Variants in FHOD3 observed in about 807,000 individuals in gnomAD.
FHOD3 encodes formin homology 2 domain containing 3.
In FHOD3, 90 loss-of-function variants were observed where a neutral mutation model predicts 173.0. The ratio of observed to expected loss-of-function variants is 0.52; its 90% CI spans 0.44 to 0.62. The LOEUF is 0.62. Ranked by LOEUF, FHOD3 falls within the 20% of genes least tolerant of loss-of-function variation. The probability of loss-of-function intolerance (pLI) is 0.00; values close to 1 mark genes in which losing one functional copy is unlikely to be tolerated. For missense variants in FHOD3, 1,945 were observed against 2,034.7 expected (o/e 0.96, Z 0.85); for synonymous variants, 828 against 823.0 (o/e 1.01, Z -0.10).
At chr18:36,560,218 G>C (rs1385685070) in intron 5 of FHOD3, among the ~76,000 whole-genome samples, 2 of 152,200 alleles carry the variant, frequency 1.3e-5, no homozygotes, top group Non-Finnish European at 2.9e-5. Context: ...TCTGAGGGTA[G>C]TTAGTCTGGG....
intron 6 of FHOD3, among the ~76,000 whole-genome samples, chr18:36,581,522 C>T (rs551883321): frequency 6.6e-6 from 1 of 152,344 alleles, no homozygotes; most frequent in African/African-American, 2.4e-5. Context: ...AAGTTCCCAT[C>T]AGCCCCATTG....
At chr18:36,340,797 C>T (rs766992065) in intron 1 of FHOD3, among the ~76,000 whole-genome samples, 40 of 151,982 alleles carry the variant, frequency 2.6e-4, no homozygotes, top group African/African-American at 5.6e-4. Context: ...CCACCACGCC[C>T]GGCTAATTTT....
chr18:36,703,037 G>T (rs2039677882), intron 17 of FHOD3, among the ~76,000 whole-genome samples: 1 of 152,164 alleles, frequency 6.6e-6, no homozygotes, highest in African/African-American at 2.4e-5. Context: ...TCAGTGAAGG[G>T]ACTGTTTACA....
intron 26 of FHOD3, 57 bp downstream of exon 26, chr18:36,759,198 G>A (rs2042764739): frequency 6.7e-7 from 1 of 1,485,948 alleles, no homozygotes; most frequent in South Asian, 1.2e-5. Context: ...TGTATGCTCT[G>A]GTCTAACCTA....
intron 1 of FHOD3, among the ~76,000 whole-genome samples, chr18:36,313,134 G>C (rs1196471425): frequency 6.6e-6 from 1 of 152,168 alleles, no homozygotes. Context: ...AAAGTGAGAG[G>C]TCCAGGTGGG....
intron 3 of FHOD3, among the ~76,000 whole-genome samples, chr18:36,464,535 T>C (rs1056626900): frequency 6.6e-6 from 1 of 152,134 alleles, no homozygotes; most frequent in Non-Finnish European, 1.5e-5. Context: ...TCAAGGAAAC[T>C]TGGGTCAAGA....
intron 1 of FHOD3, among the ~76,000 whole-genome samples, chr18:36,307,515 G>A (rs2092134683): frequency 6.6e-6 from 1 of 152,234 alleles, no homozygotes; most frequent in South Asian, 2.1e-4. Flanking sequence ...CCCCTGTGGT[G>A]GCAGAAGTAA....
chr18:36,539,253 ATATTC>A (rs2057113294), intron 5 of FHOD3, among the ~76,000 whole-genome samples: 1 of 152,204 alleles, frequency 6.6e-6, no homozygotes, highest in South Asian at 2.1e-4. Context: ...ACTACATACT[ATATTC>A]TATAGACTGA....
At chr18:36,490,433 A>G (rs1008181339) in intron 3 of FHOD3, among the ~76,000 whole-genome samples, 6 of 152,152 alleles carry the variant, frequency 3.9e-5, no homozygotes, top group African/African-American at 1.4e-4. Flanking sequence ...TCCTCAGTAA[A>G]GATGAGGATG....
intron 17 of FHOD3, among the ~76,000 whole-genome samples, chr18:36,697,353 A>C (rs1181343886): frequency 6.6e-6 from 1 of 152,158 alleles, no homozygotes; most frequent in Non-Finnish European, 1.5e-5. Context: ...CCAGGTGGAG[A>C]TAAATGGCAT....
At chr18:36,693,512 T>C in intron 17 of FHOD3, 89 bp downstream of exon 17, 1 of 1,196,306 alleles carries the variant, frequency 8.4e-7, no homozygotes, top group Non-Finnish European at 1.2e-6. Context: ...ACCTGCAGGC[T>C]AATACTGAGA....
At chr18:36,603,804 A>G (rs936892901) in intron 8 of FHOD3, among the ~76,000 whole-genome samples, 1 of 152,198 alleles carries the variant, frequency 6.6e-6, no homozygotes, top group African/African-American at 2.4e-5. Context: ...GTGCCTGGCC[A>G]AAATTATTTT....
chr18:36,654,749 T>C (rs531589379), intron 13 of FHOD3, among the ~76,000 whole-genome samples: 71 of 152,334 alleles, frequency 4.7e-4, no homozygotes, highest in Non-Finnish European at 8.4e-4. Context: ...TCCAGCATAC[T>C]TCTTAAGGAA....
rs573535971 is a variant in FHOD3 at position 36,669,935 on chromosome 18, T to C, written c.1836-11501T>C. 2.6e-4 allele frequency among the ~76,000 whole-genome samples: 40 copies of C among 152,164 alleles called. No homozygotes were observed. The South Asian group carries it at 6.4e-3, about 24-fold the overall frequency. The stretch of plus-strand genomic sequence containing the variant: ...TTTTAGTGCAGGTCTAGATAATGAA[T>C]TATTCCTGTTTTTATATGTCTGGAA... On this transcript the variant is annotated intron_variant, in intron 14 of 28. Transcript: ENST00000590592.
In FHOD3 at chr18:36,717,944, G is replaced by A. The variant is rs762278662; in HGVS notation, c.2646G>A (p.Pro882=). ...TGTATGCCCATAACAGGAAGTCTCCGGATGATGAGGAGAAGGGGGATGGGG... is the reference window on the plus strand; with the variant it reads ...TGTATGCCCATAACAGGAAGTCTCCAGATGATGAGGAGAAGGGGGATGGGG... ...DMLYAHNRKS[P]DDEEKGDGEA... Residue 882 remains proline, a synonymous_variant, in exon 19 of 29, where the codon CCG becomes CCA. Coordinates refer to ENST00000590592, the MANE Select transcript of FHOD3 (RefSeq NM_001281740.3). 21 of 1,613,868 alleles carry A rather than the reference G, an allele frequency of 1.3e-5. No homozygotes were observed. The highest frequency in any genetic ancestry group is 1.7e-5 in the Admixed American group (1 of 59,964).
At chr18:36,676,338 A>G (rs2037854148) in intron 14 of FHOD3, among the ~76,000 whole-genome samples, 1 of 152,194 alleles carries the variant, frequency 6.6e-6, no homozygotes, top group Non-Finnish European at 1.5e-5. Flanking sequence ...GCTTTGGGGA[A>G]TTACCTATGT....
intron 26 of FHOD3, 26 bp from the exon 27 acceptor site, chr18:36,760,582 C>T: frequency 2.0e-6 from 3 of 1,537,482 alleles, no homozygotes; most frequent in Non-Finnish European, 2.6e-6. Context: ...TCTCCCTCAC[C>T]TGCTAACTTC....
At chr18:36,449,991 G>A (rs138800732) in intron 3 of FHOD3, among the ~76,000 whole-genome samples, 2 of 152,028 alleles carry the variant, frequency 1.3e-5, no homozygotes, top group Middle Eastern at 3.2e-3. Flanking sequence ...TTCTTCAGTG[G>A]TGATTTCTGA....
chr18:36,352,805 G>T (rs1431830101), intron 1 of FHOD3, among the ~76,000 whole-genome samples: 4 of 152,210 alleles, frequency 2.6e-5, no homozygotes, highest in Non-Finnish European at 5.9e-5. Context: ...TAGGCAAAGT[G>T]TTGATACTAT....
Sources: allele counts gnomAD v4.1 joint callset (sites outside exome capture counted in the v4.1 genomes callset), GRCh38; gene constraint gnomAD v4.1.1; transcripts MANE v1.5; gene names NCBI Gene and HGNC (gene_info 2026-07-23, HGNC 2026-07-21).